The following GRM8 variants were observed in gnomAD, a reference collection of about 807,000 sequenced individuals.
The protein encoded by GRM8 is glutamate metabotropic receptor 8.
In GRM8, 47 loss-of-function variants were observed where a neutral mutation model predicts 87.2. The observed-to-expected ratio is 0.54, with a 90% confidence interval of 0.43 to 0.69. The LOEUF (loss-of-function observed/expected upper bound fraction) is 0.69, where lower values mean the gene tolerates loss of function less well. Ranked by LOEUF, GRM8 falls within the 30% of genes least tolerant of loss-of-function variation. The pLI, the probability that GRM8 is intolerant of heterozygous loss-of-function variation, is 0.00. For synonymous variants in GRM8, 396 were observed against 404.5 expected (o/e 0.98, Z 0.25); for missense variants, 1,019 against 1,139.2 (o/e 0.89, Z 1.52).
chr7:126,887,423 T>C lies in GRM8; in HGVS notation c.1156+15119A>G, dbSNP rs112044930. ...TCCTTGAGAAATCCTGGAGTTCCTGTGTGCTTAGGAAGTTATCAGAAACAG... is the reference window on the plus strand; with the variant it reads ...TCCTTGAGAAATCCTGGAGTTCCTGCGTGCTTAGGAAGTTATCAGAAACAG... On this transcript the variant is annotated intron_variant, in intron 6 of 10. Coordinates refer to ENST00000339582, the MANE Select transcript of GRM8 (RefSeq NM_000845.3). Among the ~76,000 whole-genome samples, 1,329 of 152,194 alleles carry C rather than the reference T, an allele frequency of 8.7e-3. 10 individuals are homozygous for C. The highest frequency in any genetic ancestry group is 0.03 in the African/African-American group (1,234 of 41,536).
chr7:126,465,450 T>A (rs559958676), intron 9 of GRM8, among the ~76,000 whole-genome samples: 1 of 151,862 alleles, frequency 6.6e-6, no homozygotes, highest in Non-Finnish European at 1.5e-5. Context: ...TAAAATTGAA[T>A]CTTCTGATCC....
At chr7:126,794,237 GAA>G in intron 6 of GRM8, among the ~76,000 whole-genome samples, 1 of 151,638 alleles carries the variant, frequency 6.6e-6, no homozygotes, top group East Asian at 1.9e-4. Flanking sequence ...ATACAATCTT[GAA>G]AAAAATCTGC....
chr7:126,518,263 A>T (rs1330854640), intron 9 of GRM8, among the ~76,000 whole-genome samples: 2 of 152,118 alleles, frequency 1.3e-5, no homozygotes, highest in Non-Finnish European at 2.9e-5. Context: ...CTGGGGTCAC[A>T]TCAGTCTTCC....
At chr7:126,785,142 C>G (rs1050195019) in intron 6 of GRM8, among the ~76,000 whole-genome samples, 9 of 152,176 alleles carry the variant, frequency 5.9e-5, no homozygotes, top group Non-Finnish European at 1.2e-4. Flanking sequence ...CTTGCCTCAG[C>G]CTCTCAAGTA....
At position 126,708,179 on chromosome 7, in the gene GRM8, T is replaced by A. The variant is rs143313387; in HGVS notation, c.1357+61686A>T. Among the ~76,000 whole-genome samples the A allele has an allele frequency of 7.2e-5, 11 of 152,232 alleles. No individual in the cohort carries two copies. The East Asian group carries it at 1.9e-3, about 27-fold the overall frequency. On this transcript the variant is annotated intron_variant, in intron 7 of 10. Coordinates refer to ENST00000339582, the MANE Select transcript of GRM8 (RefSeq NM_000845.3). ...AGAGAAATACAAATTAAAATCATAA[T>A]GAGGTATCACTACACACCTTTTAGA...
intron 7 of GRM8, among the ~76,000 whole-genome samples, chr7:126,659,827 T>C (rs964810842): frequency 2.6e-5 from 4 of 152,222 alleles, no homozygotes; most frequent in Non-Finnish European, 5.9e-5. Flanking sequence ...ATTTGTGTGC[T>C]AGTAAGACTA....
chr7:126,490,850 C>T (rs1807921389), intron 9 of GRM8, among the ~76,000 whole-genome samples: 2 of 152,058 alleles, frequency 1.3e-5, no homozygotes, highest in South Asian at 4.1e-4. Flanking sequence ...CTAGAATAAT[C>T]CTAGTAGCCT....
At chr7:126,882,151 G>C (rs1419204041) in intron 6 of GRM8, among the ~76,000 whole-genome samples, 2 of 152,154 alleles carry the variant, frequency 1.3e-5, no homozygotes, top group African/African-American at 4.8e-5. Context: ...CAAGGGAGAA[G>C]GGTCAGCACA....
At chr7:126,935,138 C>T (rs1357776044) in intron 3 of GRM8, among the ~76,000 whole-genome samples, 1 of 152,140 alleles carries the variant, frequency 6.6e-6, no homozygotes. Flanking sequence ...CTGGGACTAG[C>T]ACAATGTTTG....
intron 7 of GRM8, among the ~76,000 whole-genome samples, chr7:126,636,746 C>T (rs1469476304): frequency 6.6e-6 from 1 of 151,782 alleles, no homozygotes; most frequent in African/African-American, 2.4e-5. Flanking sequence ...TTCTTATACC[C>T]TAACTAAATT....
intron 8 of GRM8, among the ~76,000 whole-genome samples, chr7:126,555,585 A>G (rs1354311051): frequency 3.9e-5 from 6 of 152,224 alleles, no homozygotes; most frequent in Non-Finnish European, 7.3e-5. Flanking sequence ...GTTATTGTTT[A>G]TAATTGTTCT....
chr7:127,087,964 A>C (rs757151233), intron 3 of GRM8, among the ~76,000 whole-genome samples: 3 of 152,234 alleles, frequency 2.0e-5, no homozygotes, highest in Non-Finnish European at 2.9e-5. Flanking sequence ...GCTTCCTGAC[A>C]ATCACACATG....
chr7:127,135,676 C>T (rs927832817), intron 2 of GRM8, among the ~76,000 whole-genome samples: 1 of 121,138 alleles, frequency 8.3e-6, no homozygotes, highest in Non-Finnish European at 1.7e-5. Flanking sequence ...TTTTCATAAA[C>T]CGGGCATGAA....
chr7:127,242,471 A>G (rs922476062), intron 2 of GRM8, among the ~76,000 whole-genome samples: 5 of 135,878 alleles, frequency 3.7e-5, no homozygotes, highest in Non-Finnish European at 7.9e-5. Flanking sequence ...TTTGTTCAGG[A>G]AAAAAAAAAA....
rs202121088 is a variant in GRM8 at position 126,824,110 on chromosome 7, A to G, written c.1157-54045T>C. ...AAATTATTTTATTCATTTTTACATA[A>G]AACTAAAGAAACTGTTATTCATATT... On this transcript the variant is annotated intron_variant, in intron 6 of 10. Transcript: ENST00000339582. Among the ~76,000 whole-genome samples, 12 of 152,310 alleles carry G rather than the reference A, an allele frequency of 7.9e-5. No individual in the cohort carries two copies. The East Asian group carries it at 1.9e-3, about 24-fold the overall frequency.
Position 126,903,961 on chromosome 7 carries a change from T to C in GRM8, c.1018+11A>G. On this transcript the variant is annotated intron_variant, in intron 5 of 10. Transcript: ENST00000339582. ...CTGGAATAAAACAAATTCTCTATGG[T>C]GCATTCTTACCATCAATTGATGCTC... 1 of 1,369,686 alleles carries C rather than the reference T, an allele frequency of 7.3e-7. No homozygotes were observed. The highest frequency in any genetic ancestry group is 1.0e-6 in the Non-Finnish European group (1 of 966,240). The allele number at this position is 1,369,686 out of a possible 1,614,324, so 84.8% of individuals were successfully genotyped here.
At chr7:126,468,699 A>T (rs987545573) in intron 9 of GRM8, among the ~76,000 whole-genome samples, 2 of 152,142 alleles carry the variant, frequency 1.3e-5, no homozygotes, top group Non-Finnish European at 2.9e-5. Flanking sequence ...CCAACCTGCT[A>T]AAATCTAACT....
intron 2 of GRM8, among the ~76,000 whole-genome samples, chr7:127,120,331 T>C (rs1219565641): frequency 6.6e-6 from 1 of 152,214 alleles, no homozygotes; most frequent in Admixed American, 6.5e-5. Flanking sequence ...TGCTTATATG[T>C]TTTGGTATAA....
intron 7 of GRM8, among the ~76,000 whole-genome samples, chr7:126,760,135 T>C (rs961714874): frequency 6.6e-6 from 1 of 152,182 alleles, no homozygotes; most frequent in African/African-American, 2.4e-5. Flanking sequence ...AGGTCAGCCC[T>C]CAATTATTAA....
Sources: gnomAD v4.1 joint callset for allele counts (sites outside exome capture counted in the v4.1 genomes callset) on GRCh38, gnomAD v4.1.1 for gene constraint, MANE v1.5 for transcripts, NCBI Gene and HGNC (gene_info 2026-07-23, HGNC 2026-07-21) for gene names.